Variants in IGSF3 observed in about 807,000 individuals in gnomAD.
The protein encoded by IGSF3 is glu-Trp-Ile EWI motif-containing protein 3.
A neutral mutation model predicts 114.4 loss-of-function variants in IGSF3; 23 were observed. That is an observed-to-expected ratio of 0.20 (90% CI 0.14 to 0.28). The LOEUF is 0.28. Ranked by LOEUF, IGSF3 falls within the 10% of genes least tolerant of loss-of-function variation. The pLI, the probability that IGSF3 is intolerant of heterozygous loss-of-function variation, is 1.00. For synonymous variants in IGSF3, 571 were observed against 645.2 expected (o/e 0.88, Z 1.74); for missense variants, 1,172 against 1,591.5 (o/e 0.74, Z 4.48).
chr1:116,667,440 G>C (rs1443707822), intron 1 of IGSF3, among the ~76,000 whole-genome samples, 178 bp downstream of exon 1: 5 of 152,084 alleles, frequency 3.3e-5, no homozygotes, highest in African/African-American at 1.2e-4. Flanking sequence ...GCTTTCAGCT[G>C]CCGGAGCGCG....
Position 116,654,595 on chromosome 1 carries a change from G to A in IGSF3, c.43+11689C>T, listed in dbSNP as rs777701816. On this transcript the variant is annotated intron_variant, in intron 2 of 10. Transcript: ENST00000369486. The surrounding 1 kb of genome is among the most constrained non-coding windows in gnomAD (Gnocchi z 4.4). ...GGCCACACTGCAGGAGGCAAAGTAT[G>A]AGGTGGGGAAGATGGATTGGCCTTA... Among the ~76,000 whole-genome samples, 41 of 152,196 alleles carry A rather than the reference G, an allele frequency of 2.7e-4. 1 individual carries two copies. The highest frequency in any genetic ancestry group is 1.3e-4 in the Admixed American group (2 of 15,286).
rs199983871 is a variant in IGSF3, at chr1:116,584,782, A to G, written c.2711T>C (p.Phe904Ser). Residue 904 changes from phenylalanine (F) to serine (S), a missense_variant, in exon 9 of 11, where the codon TTC (phenylalanine) becomes TCC (serine). Physicochemically the swap from Phe to Ser is radical, Grantham distance 155. Around this residue, in one of 3 missense-constraint regions of IGSF3, gnomAD observed 423 missense variants for 509.8 expected, o/e 0.83. Coordinates refer to ENST00000369486, the MANE Select transcript of IGSF3 (RefSeq NM_001007237.3). This position sits in a 1 kb window ranked among gnomAD's most constrained non-coding sequence, Gnocchi z 5.8. ...GTCCTGCACAGCCACGTTCTGGATGAAGAGACGGTACACGCCGGGGGAAGG... is the reference window on the plus strand; with the variant it reads ...GTCCTGCACAGCCACGTTCTGGATGGAGAGACGGTACACGCCGGGGGAAGG... ...ESPSPGVYRL[F>S]IQNVAVQDSG... The G allele has an allele frequency of 6.2e-7, 1 of 1,614,268 alleles. No homozygotes were observed. Among genetic ancestry groups the G allele is most frequent in the Non-Finnish European group, 8.5e-7 (1 of 1,180,042 alleles).
chr1:116,626,865 G>A (rs1229284762), intron 2 of IGSF3, among the ~76,000 whole-genome samples: 2 of 152,184 alleles, frequency 1.3e-5, no homozygotes, highest in African/African-American at 2.4e-5. Context: ...GAAAGGCAGC[G>A]AGGGAGCCCT....
chr1:116,666,638 C>T lies in IGSF3; in HGVS notation c.-312G>A. 1 of 570,468 alleles carries T rather than the reference C, an allele frequency of 1.8e-6. No individual in the cohort carries two copies. The highest frequency in any genetic ancestry group is 2.4e-5 in the South Asian group (1 of 41,872). The allele number at this position is 570,468 out of a possible 1,614,324, so 35.3% of individuals were successfully genotyped here. On this transcript the variant is annotated 5_prime_UTR_variant, in exon 2 of 11. Coordinates refer to ENST00000369486, the MANE Select transcript of IGSF3 (RefSeq NM_001007237.3). ...AATTGCAGACTGTAGTGGATTAATC[C>T]TCCAGAAGCACGGAAAAAAGGGTCT... is the stretch of plus-strand genomic sequence containing the variant.
chr1:116,658,119 G>A (rs566068405), intron 2 of IGSF3, among the ~76,000 whole-genome samples: 10 of 151,422 alleles, frequency 6.6e-5, no homozygotes, highest in African/African-American at 2.2e-4. Context: ...TCGGCTCATC[G>A]CAAACTCCGC....
chr1:116,578,109 C>T (rs892599898), intron 10 of IGSF3, among the ~76,000 whole-genome samples: 11 of 152,186 alleles, frequency 7.2e-5, no homozygotes, highest in Admixed American at 7.2e-4. Context: ...CCACAAAGAA[C>T]ACAGTATTAG....
At chr1:116,656,340 G>A (rs1320114558) in intron 2 of IGSF3, among the ~76,000 whole-genome samples, 13 of 110,876 alleles carry the variant, frequency 1.2e-4, no homozygotes, top group African/African-American at 3.5e-4. Context: ...TCACTCTGTT[G>A]CCCAGGCTGG....
intron 2 of IGSF3, among the ~76,000 whole-genome samples, chr1:116,652,472 G>A (rs1017305829): frequency 6.6e-6 from 1 of 152,176 alleles, no homozygotes; most frequent in Non-Finnish European, 1.5e-5. Flanking sequence ...CATTGTTAGA[G>A]GTTGAACCAT....
rs369330629 is a variant in IGSF3, at chr1:116,642,550, G to A, written c.43+23734C>T. On this transcript the variant is annotated intron_variant, in intron 2 of 10. Transcript: ENST00000369486. The surrounding 1 kb of genome is among the most constrained non-coding windows in gnomAD (Gnocchi z 5.4). ...GCCAGAGCAAAATTTGGCCTAGAAC[G>A]GAGCTAAAAACTGTCATAGTGGTGG... Among the ~76,000 whole-genome samples the A allele has an allele frequency of 6.6e-6, 1 of 152,306 alleles. No homozygotes were observed. The highest frequency in any genetic ancestry group is 2.4e-5 in the African/African-American group (1 of 41,562).
At position 116,595,542 on chromosome 1, in the gene IGSF3, C is replaced by T. The variant is rs201387935; in HGVS notation, c.2029+4399G>A. 1.3e-5 allele frequency among the ~76,000 whole-genome samples: 2 copies of T among 152,158 alleles called. No individual in the cohort carries two copies. Among genetic ancestry groups the T allele is most frequent in the Non-Finnish European group, 2.9e-5 (2 of 68,028 alleles). On this transcript the variant is annotated intron_variant, in intron 7 of 10. Transcript: ENST00000369486. The surrounding 1 kb of genome is among the most constrained non-coding windows in gnomAD (Gnocchi z 4.2). ...TCAGCAATAAGAAATAGAAGAAAACCGATTTGGCAACATCCAGAGGGTATT... is the reference window on the plus strand; with the variant it reads ...TCAGCAATAAGAAATAGAAGAAAACTGATTTGGCAACATCCAGAGGGTATT...
intron 2 of IGSF3, among the ~76,000 whole-genome samples, chr1:116,641,536 A>C (rs923167319): frequency 3.4e-5 from 5 of 145,032 alleles, no homozygotes; most frequent in African/African-American, 1.3e-4. Flanking sequence ...GAAAGAAAAG[A>C]AAAGAAAGAA....
Position 116,589,219 on chromosome 1 carries a change from G to T in IGSF3, c.2030-115C>A. 2.4e-6 allele frequency: 2 copies of T among 844,334 alleles called. No individual in the cohort carries two copies. The highest frequency in any genetic ancestry group is 1.9e-6 in the Non-Finnish European group (1 of 539,162). The allele number at this position is 844,334 out of a possible 1,614,324, so 52.3% of individuals were successfully genotyped here. On this transcript the variant is annotated intron_variant, in intron 7 of 10. Transcript: ENST00000369486. This position sits in a 1 kb window ranked among gnomAD's most constrained non-coding sequence, Gnocchi z 5.7. The stretch of plus-strand genomic sequence containing the variant: ...CACAGTTCCTGGGGGATTTAACACC[G>T]ACTGGCTTCAGTGTGAGGAAGGCAG...
In IGSF3 at chr1:116,649,585, A is replaced by G. The variant is rs1406616367; in HGVS notation, c.43+16699T>C. Among the ~76,000 whole-genome samples the G allele has an allele frequency of 6.6e-6, 1 of 152,160 alleles. No individual in the cohort carries two copies. Among genetic ancestry groups the G allele is most frequent in the Non-Finnish European group, 1.5e-5 (1 of 68,030 alleles). ...ACCCTTCTTCACCAGTTAATTTATT[A>G]CAATCTTCCTTTGACAGCTTCACTC... On this transcript the variant is annotated intron_variant, in intron 2 of 10. Transcript: ENST00000369486. The surrounding 1 kb of genome is among the most constrained non-coding windows in gnomAD (Gnocchi z 4.5).
At position 116,625,328 on chromosome 1, in the gene IGSF3, A is replaced by C. The variant is rs1433650393; in HGVS notation, c.44-8871T>G. 6.6e-6 allele frequency among the ~76,000 whole-genome samples: 1 copy of C among 152,262 alleles called. No homozygotes were observed. The highest frequency in any genetic ancestry group is 1.5e-5 in the Non-Finnish European group (1 of 68,040). On this transcript the variant is annotated intron_variant, in intron 2 of 10. Transcript: ENST00000369486. The surrounding 1 kb of genome is among the most constrained non-coding windows in gnomAD (Gnocchi z 4.7). ...CCTTTCAGAAAGTGAAAGCATTCAA[A>C]AAGCCTTCAAAAAAGCAGTGACATC...
rs1649309182 is a variant in IGSF3 at position 116,665,851 on chromosome 1, T to C, written c.43+433A>G. The stretch of plus-strand genomic sequence containing the variant: ...CATTTCCACCTCAAAAAAGGCACCA[T>C]CATTATCACCCAAACCAACTTTCGA... On this transcript the variant is annotated intron_variant, in intron 2 of 10. Transcript: ENST00000369486. This position sits in a 1 kb window ranked among gnomAD's most constrained non-coding sequence, Gnocchi z 4.0. Among the ~76,000 whole-genome samples, 1 of 152,096 alleles carries C rather than the reference T, an allele frequency of 6.6e-6. No individual in the cohort carries two copies. The highest frequency in any genetic ancestry group is 1.5e-5 in the Non-Finnish European group (1 of 68,028).
intron 9 of IGSF3, among the ~76,000 whole-genome samples, chr1:116,580,302 T>C (rs573269753): frequency 3.9e-5 from 6 of 152,292 alleles, no homozygotes; most frequent in African/African-American, 1.4e-4. Context: ...TATTTGGAAA[T>C]AGCAACTTTG....
Position 116,589,910 on chromosome 1 carries a change from G to A in IGSF3, c.2030-806C>T, listed in dbSNP as rs953089360. 2.0e-5 allele frequency among the ~76,000 whole-genome samples: 3 copies of A among 152,172 alleles called. No individual in the cohort carries two copies. The highest frequency in any genetic ancestry group is 2.9e-5 in the Non-Finnish European group (2 of 68,030). ...GCCCTCATGGGGTGGACTGCCTAGC[G>A]GACATTCTTATCGCTGCACCCCCAG... On this transcript the variant is annotated intron_variant, in intron 7 of 10. Transcript: ENST00000369486. This position sits in a 1 kb window ranked among gnomAD's most constrained non-coding sequence, Gnocchi z 5.7.
intron 2 of IGSF3, among the ~76,000 whole-genome samples, chr1:116,626,829 GAC>G (rs1220694921): frequency 1.3e-5 from 2 of 152,142 alleles, no homozygotes; most frequent in Non-Finnish European, 2.9e-5. Flanking sequence ...TCATGCGAAA[GAC>G]AGCACAGAAG....
At chr1:116,639,918 C>T (rs111463884) in intron 2 of IGSF3, among the ~76,000 whole-genome samples, 24,910 of 151,688 alleles carry the variant, frequency 0.16, 2,720 homozygotes, top group Non-Finnish European at 0.24. Context: ...CCTGTAACCC[C>T]AGCTACTCAG....
Sources: allele counts gnomAD v4.1 joint callset (sites outside exome capture counted in the v4.1 genomes callset), GRCh38; gene constraint gnomAD v4.1.1; regional missense constraint gnomAD v4.1.1; non-coding constraint Gnocchi (gnomAD v3.1); transcripts MANE v1.5; gene names NCBI Gene and HGNC (gene_info 2026-07-23, HGNC 2026-07-21).